EPHA5: variants seen among roughly 807,000 people sequenced by gnomAD.
EPHA5 encodes EPH receptor A5, also known as ephrin type-A receptor 5.
EPHA5 carries 60 observed loss-of-function variants against 105.0 expected under a neutral mutation model. The observed-to-expected ratio is 0.57, with a 90% confidence interval of 0.46 to 0.71. The LOEUF (loss-of-function observed/expected upper bound fraction) is 0.71. Among genes scored for constraint, EPHA5 ranks in the 30% least tolerant of loss-of-function variants. EPHA5 has a pLI of 0.00. For synonymous variants in EPHA5, 513 were observed against 449.1 expected (o/e 1.14, Z -1.80); for missense variants, 1,218 against 1,274.7 (o/e 0.96, Z 0.68).
At chr4:65,668,154 A>C (rs1260091844) in intron 1 of EPHA5, among the ~76,000 whole-genome samples, 1 of 152,160 alleles carries the variant, frequency 6.6e-6, no homozygotes, top group Non-Finnish European at 1.5e-5. Flanking sequence ...GTTAAAGAGA[A>C]AGTTCATGGG....
intron 8 of EPHA5, among the ~76,000 whole-genome samples, chr4:65,386,203 T>A (rs1720066925): frequency 6.6e-6 from 1 of 152,004 alleles, no homozygotes; most frequent in Non-Finnish European, 1.5e-5. Flanking sequence ...AAGAGCCTGT[T>A]CATGCAATTT....
chr4:65,414,776 C>T (rs1723234296), intron 6 of EPHA5, among the ~76,000 whole-genome samples: 1 of 146,414 alleles, frequency 6.8e-6, no homozygotes, highest in Admixed American at 6.9e-5. Flanking sequence ...TATTTTTGTG[C>T]TTTTTTTCCC....
chr4:65,537,310 A>G lies in EPHA5; in HGVS notation c.911-41767T>C, dbSNP rs559963742. On this transcript the variant is annotated intron_variant, in intron 3 of 16. Transcript: ENST00000613740. ...CATCACTAAGTCTTGTAGTTACTAT[A>G]TAACTATGTGGTGAGAGATATTTTG... Among the ~76,000 whole-genome samples, 337 of 151,914 alleles carry G rather than the reference A, an allele frequency of 2.2e-3. 2 individuals carry two copies. Among genetic ancestry groups the G allele is most frequent in the Non-Finnish European group, 3.4e-3 (233 of 67,758 alleles).
chr4:65,441,699 A>G (rs1430813887), intron 5 of EPHA5, among the ~76,000 whole-genome samples: 2 of 152,144 alleles, frequency 1.3e-5, no homozygotes, highest in Admixed American at 1.3e-4. Flanking sequence ...TGTTTAAAAG[A>G]ACTACTGACT....
intron 5 of EPHA5, among the ~76,000 whole-genome samples, chr4:65,482,208 G>A (rs1477863074): frequency 1.3e-5 from 2 of 150,710 alleles, no homozygotes; most frequent in Non-Finnish European, 2.9e-5. Context: ...TGAGGCAGGA[G>A]AAGTGCTTGA....
intron 3 of EPHA5, among the ~76,000 whole-genome samples, chr4:65,500,442 GT>G (rs1203155809): frequency 6.6e-6 from 1 of 150,490 alleles, no homozygotes; most frequent in Non-Finnish European, 1.5e-5. Flanking sequence ...AATACATGTT[GT>G]TTCCCCACTT....
At chr4:65,606,023 C>T (rs769449189) in intron 2 of EPHA5, among the ~76,000 whole-genome samples, 2 of 152,194 alleles carry the variant, frequency 1.3e-5, no homozygotes, top group African/African-American at 2.4e-5. Context: ...ACTACCTGGG[C>T]ATCTCCTTTG....
At chr4:65,470,234 C>T (rs889160492) in intron 5 of EPHA5, among the ~76,000 whole-genome samples, 18 of 151,320 alleles carry the variant, frequency 1.2e-4, no homozygotes, top group Non-Finnish European at 1.5e-4. Flanking sequence ...GCTCTGTCAC[C>T]CAGGCTGGAG....
chr4:65,584,469 GC>G (rs1481287868), intron 3 of EPHA5, among the ~76,000 whole-genome samples: 2 of 151,672 alleles, frequency 1.3e-5, no homozygotes, highest in Non-Finnish European at 2.9e-5. Flanking sequence ...GCATGACACA[GC>G]CCCCTCAACC....
rs1249455941 is a variant in EPHA5 at position 65,420,586 on chromosome 4, G to C, written c.1403-21C>G. 9 of 1,607,962 alleles carry C rather than the reference G, an allele frequency of 5.6e-6. No homozygotes were observed. The African/African-American group carries it at 9.4e-5, about 17-fold the overall frequency. ...TGGAGCTGCAAAATAGTTTAAATAA[G>C]GAGCAGTATGATTAATAAGGCCCTA... On this transcript the variant is annotated intron_variant, in intron 5 of 16. Transcript: ENST00000613740.
intron 2 of EPHA5, among the ~76,000 whole-genome samples, chr4:65,613,293 G>C (rs373072328): frequency 1.3e-5 from 2 of 152,022 alleles, no homozygotes; most frequent in Non-Finnish European, 2.9e-5. Context: ...AGTATAATTT[G>C]AAGTTAGGTA....
chr4:65,464,181 G>A (rs1425672524), intron 5 of EPHA5, among the ~76,000 whole-genome samples: 1 of 151,820 alleles, frequency 6.6e-6, no homozygotes, highest in Non-Finnish European at 1.5e-5. Context: ...ATTTTGGGAA[G>A]TGTAGGAGTT....
At chr4:65,388,046 C>A (rs191662796) in intron 8 of EPHA5, among the ~76,000 whole-genome samples, 4 of 144,008 alleles carry the variant, frequency 2.8e-5, no homozygotes, top group African/African-American at 1.0e-4. Context: ...CAATTCCCAT[C>A]TATGAGTGAG....
intron 3 of EPHA5, chr4:65,573,410 CA>C (rs71657188): frequency 0.08 from 50,378 of 628,904 alleles, 47 homozygotes; most frequent in African/African-American, 0.1. Flanking sequence ...GACTCCGTCT[CA>C]AAAAAAAAAA....
chr4:65,529,004 T>A (rs1735507710), intron 3 of EPHA5, among the ~76,000 whole-genome samples: 1 of 152,134 alleles, frequency 6.6e-6, no homozygotes, highest in African/African-American at 2.4e-5. Context: ...ACTGAGGTAA[T>A]ATTGAAGTTA....
chr4:65,615,339 T>C (rs1486559667), intron 2 of EPHA5, among the ~76,000 whole-genome samples: 1 of 151,868 alleles, frequency 6.6e-6, no homozygotes, highest in Non-Finnish European at 1.5e-5. Flanking sequence ...CAAAAGTTCA[T>C]GCCTAGATAC....
intron 3 of EPHA5, among the ~76,000 whole-genome samples, chr4:65,540,217 G>A (rs564373122): frequency 6.6e-5 from 10 of 151,510 alleles, no homozygotes; most frequent in South Asian, 2.1e-4. Flanking sequence ...TATTCCTAAA[G>A]CCTGAATACT....
intron 5 of EPHA5, among the ~76,000 whole-genome samples, chr4:65,478,228 G>T (rs891028592): frequency 6.6e-6 from 1 of 152,126 alleles, no homozygotes; most frequent in Non-Finnish European, 1.5e-5. Context: ...CACTAATCTG[G>T]TCACAGAAGC....
intron 5 of EPHA5, among the ~76,000 whole-genome samples, chr4:65,447,763 T>C (rs1422124283): frequency 6.6e-6 from 1 of 151,512 alleles, no homozygotes; most frequent in Non-Finnish European, 1.5e-5. Context: ...GAATTTCTGG[T>C]ATTACTTGAA....
Sources: gnomAD v4.1 joint callset for allele counts (sites outside exome capture counted in the v4.1 genomes callset) on GRCh38, gnomAD v4.1.1 for gene constraint, MANE v1.5 for transcripts, NCBI Gene and HGNC (gene_info 2026-07-23, HGNC 2026-07-21) for gene names.